LHFPL3: variants seen among roughly 807,000 people sequenced by gnomAD.
The protein encoded by LHFPL3 is LHFPL tetraspan subfamily member 3 protein.
LHFPL3 carries 5 observed loss-of-function variants against 19.3 expected under a neutral mutation model. That is an observed-to-expected ratio of 0.26 (90% CI 0.14 to 0.54). LHFPL3 has a LOEUF of 0.54. LHFPL3 is among the 20% of genes least tolerant of loss of function. The pLI is 0.94. For missense variants in LHFPL3, 249 were observed against 307.4 expected, an observed-to-expected ratio of 0.81 and a Z score of 1.42; for synonymous variants, 133 against 126.2, an observed-to-expected ratio of 1.05 and a Z score of -0.36.
intron 2 of LHFPL3, among the ~76,000 whole-genome samples, chr7:104,805,124 T>C (rs533786881): frequency 6.6e-6 from 1 of 152,310 alleles, no homozygotes; most frequent in South Asian, 2.1e-4. Flanking sequence ...TCCTCTTGTA[T>C]CCCCTCACTT....
intron 2 of LHFPL3, among the ~76,000 whole-genome samples, chr7:104,864,267 C>T (rs1791673801): frequency 6.6e-6 from 1 of 152,056 alleles, no homozygotes; most frequent in Non-Finnish European, 1.5e-5. Context: ...AAAGTGGGTG[C>T]AGGACAGTGG....
At chr7:104,619,523 T>C (rs1314959651) in intron 1 of LHFPL3, among the ~76,000 whole-genome samples, 1 of 152,208 alleles carries the variant, frequency 6.6e-6, no homozygotes, top group African/African-American at 2.4e-5. Flanking sequence ...ATGAGAGACA[T>C]CCTGATAGAA....
intron 1 of LHFPL3, among the ~76,000 whole-genome samples, chr7:104,670,794 TCCTTC>T (rs1440243827): frequency 6.6e-6 from 1 of 152,092 alleles, no homozygotes; most frequent in East Asian, 1.9e-4. Context: ...CCCCCAAGTT[TCCTTC>T]TCCACTGAAA....
intron 2 of LHFPL3, among the ~76,000 whole-genome samples, chr7:104,864,460 G>A (rs766216063): frequency 1.1e-4 from 17 of 152,224 alleles, no homozygotes; most frequent in Non-Finnish European, 2.4e-4. Flanking sequence ...TGGCACACCA[G>A]GAGATTATAT....
chr7:104,762,018 C>T (rs557776663), intron 2 of LHFPL3, among the ~76,000 whole-genome samples: 1 of 152,292 alleles, frequency 6.6e-6, no homozygotes, highest in East Asian at 1.9e-4. Context: ...TGAATCACCT[C>T]AGGATCTTGT....
chr7:104,725,162 A>G (rs568540837), intron 1 of LHFPL3, among the ~76,000 whole-genome samples: 4 of 152,328 alleles, frequency 2.6e-5, no homozygotes, highest in African/African-American at 9.6e-5. Context: ...GTTTTAATTC[A>G]GAGTTAATTC....
intron 1 of LHFPL3, among the ~76,000 whole-genome samples, chr7:104,652,878 GC>G (rs1562958599): frequency 2.0e-5 from 3 of 152,174 alleles, no homozygotes; most frequent in African/African-American, 2.4e-5. Context: ...GTAGGTAGTG[GC>G]AGCTCCAGCA....
intron 2 of LHFPL3, among the ~76,000 whole-genome samples, chr7:104,742,900 C>A (rs908720659): frequency 6.6e-6 from 1 of 151,912 alleles, no homozygotes; most frequent in African/African-American, 2.4e-5. Flanking sequence ...AGGATGATCA[C>A]TGGGACAGGA....
Position 104,574,423 on chromosome 7 carries a change from C to T in LHFPL3, c.446-162252C>T, listed in dbSNP as rs543155798. 3.4e-4 allele frequency among the ~76,000 whole-genome samples: 52 copies of T among 152,152 alleles called. 1 individual carries two copies. The highest frequency in any genetic ancestry group is 4.3e-4 in the Non-Finnish European group (29 of 68,032). On this transcript the variant is annotated intron_variant, in intron 1 of 2. Transcript: ENST00000424859. ...TTTTTAGAGAAGTAGAATAGAGGGG[C>T]TTATTCAGAAAGCCCTTTAAAGGAC...
chr7:104,694,851 G>T (rs996513878), intron 1 of LHFPL3, among the ~76,000 whole-genome samples: 1 of 152,202 alleles, frequency 6.6e-6, no homozygotes, highest in Non-Finnish European at 1.5e-5. Context: ...GGCTTGCTGG[G>T]GATTTTATAG....
intron 1 of LHFPL3, among the ~76,000 whole-genome samples, chr7:104,571,122 A>G (rs1359051004): frequency 6.6e-6 from 1 of 152,224 alleles, no homozygotes. Context: ...CACCTTGCCT[A>G]GGTGTTAAAA....
intron 1 of LHFPL3, among the ~76,000 whole-genome samples, chr7:104,374,854 A>C (rs1236641234): frequency 6.6e-6 from 1 of 152,224 alleles, no homozygotes; most frequent in African/African-American, 2.4e-5. Flanking sequence ...GCACAGTGCA[A>C]GGCACATGGC....
intron 2 of LHFPL3, among the ~76,000 whole-genome samples, chr7:104,892,159 G>A (rs1432535586): frequency 6.6e-6 from 1 of 152,162 alleles, no homozygotes; most frequent in Non-Finnish European, 1.5e-5. Flanking sequence ...GGTGCTAAAA[G>A]GAATGTTTAG....
rs539493766 is a variant in LHFPL3, at chr7:104,698,711, A to G, written c.446-37964A>G. Among the ~76,000 whole-genome samples the G allele has an allele frequency of 2.0e-5, 3 of 152,366 alleles. No homozygotes were observed. The South Asian group carries it at 6.2e-4, about 32-fold the overall frequency. ...GGGTAAAATACATTATGGTACATCCAGATGAAGGAATATTATTCAGCACTA... is the reference window on the plus strand; with the variant it reads ...GGGTAAAATACATTATGGTACATCCGGATGAAGGAATATTATTCAGCACTA... On this transcript the variant is annotated intron_variant, in intron 1 of 2. Transcript: ENST00000424859.
At chr7:104,430,098 C>T (rs779858712) in intron 1 of LHFPL3, among the ~76,000 whole-genome samples, 9 of 151,146 alleles carry the variant, frequency 6.0e-5, no homozygotes, top group Admixed American at 1.3e-4. Context: ...ATAATAGAAA[C>T]AACATAGGAA....
Position 104,328,775 on chromosome 7 carries a change from G to T in LHFPL3, c.-5G>T. ...AGGAGGAGGAGGAGGAGGAGGAGGG[G>T]GAGAATGCCCGGAGCCGCCGCCGCT... On this transcript the variant is annotated 5_prime_UTR_variant, in exon 1 of 3. Coordinates refer to ENST00000424859, the MANE Select transcript of LHFPL3 (RefSeq NM_199000.3). The surrounding 1 kb of genome is among the most constrained non-coding windows in gnomAD (Gnocchi z 4.6). 6.3e-7 allele frequency: 1 copy of T among 1,577,954 alleles called. No individual in the cohort carries two copies. The highest frequency in any genetic ancestry group is 8.6e-7 in the Non-Finnish European group (1 of 1,162,724).
chr7:104,454,523 A>G (rs1562902442), intron 1 of LHFPL3, among the ~76,000 whole-genome samples: 5 of 152,322 alleles, frequency 3.3e-5, no homozygotes, highest in Admixed American at 3.3e-4. Context: ...GTGTAATATT[A>G]GGAAGAGCCC....
At chr7:104,738,218 G>T (rs1793866372) in intron 2 of LHFPL3, among the ~76,000 whole-genome samples, 1 of 152,086 alleles carries the variant, frequency 6.6e-6, no homozygotes, top group Non-Finnish European at 1.5e-5. Context: ...TCTCAGAGCT[G>T]CCCTTTCTAG....
chr7:104,859,486 T>C lies in LHFPL3; in HGVS notation c.683-46701T>C, dbSNP rs181963254. On this transcript the variant is annotated intron_variant, in intron 2 of 2. Coordinates refer to ENST00000424859, the MANE Select transcript of LHFPL3 (RefSeq NM_199000.3). ...GAGTTCAAGACCAGCCTGGCCAACA[T>C]AGTGAAACCCCATCTCTACCAAAAA... Among the ~76,000 whole-genome samples, 108 of 152,010 alleles carry C rather than the reference T, an allele frequency of 7.1e-4. 1 individual carries two copies. The East Asian group carries it at 0.019, about 27-fold the overall frequency.
Sources: gnomAD v4.1 joint callset for allele counts (sites outside exome capture counted in the v4.1 genomes callset) on GRCh38, gnomAD v4.1.1 for gene constraint, Gnocchi (gnomAD v3.1) non-coding constraint, MANE v1.5 for transcripts, NCBI Gene and HGNC (gene_info 2026-07-23, HGNC 2026-07-21) for gene names.